The following CNNM4 variants were observed in gnomAD, a reference collection of about 807,000 sequenced individuals.
The protein encoded by CNNM4 is cyclin and CBS domain divalent metal cation transport mediator 4.
A neutral mutation model predicts 53.7 loss-of-function variants in CNNM4; 32 were observed. The observed-to-expected ratio is 0.60, with a 90% CI of 0.45 to 0.80. CNNM4 has a LOEUF of 0.80. CNNM4 is among the 30% of genes least tolerant of loss of function. The pLI is 0.00. For synonymous variants in CNNM4, 410 were observed against 440.0 expected (o/e 0.93, Z 0.85); for missense variants, 784 against 1,022.0 (o/e 0.77, Z 3.17).
intron 5 of CNNM4, among the ~76,000 whole-genome samples, chr2:96,802,397 C>T (rs981424833): frequency 1.3e-5 from 2 of 152,252 alleles, no homozygotes; most frequent in Non-Finnish European, 1.5e-5. Flanking sequence ...ACCCACACAC[C>T]GTGTCAGGGT....
At chr2:96,809,088 C>T (rs530201570) in intron 6 of CNNM4, 142 of 882,534 alleles carry the variant, frequency 1.6e-4, no homozygotes, top group African/African-American at 1.5e-3. Context: ...GCGATTTGCC[C>T]GCCTCAGCCT....
chr2:96,784,461 A>G (rs2079000139), intron 1 of CNNM4, among the ~76,000 whole-genome samples: 1 of 152,106 alleles, frequency 6.6e-6, no homozygotes, highest in African/African-American at 2.4e-5. Context: ...GTGTAATTAG[A>G]TTATTATCTC....
chr2:96,777,414 T>G (rs1204437286), intron 1 of CNNM4, among the ~76,000 whole-genome samples: 1 of 152,172 alleles, frequency 6.6e-6, no homozygotes, highest in East Asian at 1.9e-4. Flanking sequence ...GATGCAATCA[T>G]GGCTCACTAT....
chr2:96,798,849 C>CCAGG (rs946531528), intron 3 of CNNM4, among the ~76,000 whole-genome samples: 11 of 152,168 alleles, frequency 7.2e-5, no homozygotes, highest in African/African-American at 2.7e-4. Flanking sequence ...CTGTTCAAGC[C>CCAGG]CAGGCAGGCA....
intron 1 of CNNM4, among the ~76,000 whole-genome samples, chr2:96,792,875 A>T (rs1472084083): frequency 6.6e-6 from 1 of 151,622 alleles, no homozygotes; most frequent in Non-Finnish European, 1.5e-5. Flanking sequence ...CCCTAAAGGG[A>T]GACAGGAGTG....
Position 96,801,419 on chromosome 2 carries a change from C to A in CNNM4, c.1948+1771C>A, listed in dbSNP as rs566879475. Among the ~76,000 whole-genome samples, 1 of 152,014 alleles carries A rather than the reference C, an allele frequency of 6.6e-6. No individual in the cohort carries two copies. The highest frequency in any genetic ancestry group is 2.4e-5 in the African/African-American group (1 of 41,354). Reference sequence around the variant, plus strand: ...ATACAGATACACATAGCCATAGATACACGCAGAGACACACACAGTGAGAGA... The same window carrying A: ...ATACAGATACACATAGCCATAGATAAACGCAGAGACACACACAGTGAGAGA... On this transcript the variant is annotated intron_variant, in intron 5 of 6. Coordinates refer to ENST00000377075, the MANE Select transcript of CNNM4 (RefSeq NM_020184.4). The surrounding 1 kb of genome is among the most constrained non-coding windows in gnomAD (Gnocchi z 5.6).
intron 5 of CNNM4, among the ~76,000 whole-genome samples, chr2:96,803,317 T>C (rs2079174596): frequency 6.6e-6 from 1 of 152,214 alleles, no homozygotes. Flanking sequence ...TGGGGGTCTT[T>C]ATTATAAACA....
chr2:96,798,410 C>T (rs915945293), intron 3 of CNNM4: 5 of 166,118 alleles, frequency 3.0e-5, no homozygotes, highest in African/African-American at 1.2e-4. Flanking sequence ...TGCTCTTACT[C>T]TCCAGCTCTC....
Position 96,762,417 on chromosome 2 carries a change from G to T in CNNM4, c.1402+16G>T, listed in dbSNP as rs772270872. 20 of 1,610,524 alleles carry T rather than the reference G, an allele frequency of 1.2e-5. No individual in the cohort carries two copies. Among genetic ancestry groups the T allele is most frequent in the Non-Finnish European group, 1.7e-5 (20 of 1,176,780 alleles). ...TTCAAGAAGGGTAAGGCCAGATGTA[G>T]TTCCCCTGGTTCAATTTCCTCTTGA... On this transcript the variant is annotated intron_variant, in intron 1 of 6. Transcript: ENST00000377075.
chr2:96,806,718 C>A (rs762058782), intron 5 of CNNM4, among the ~76,000 whole-genome samples: 16 of 152,132 alleles, frequency 1.1e-4, no homozygotes, highest in Non-Finnish European at 2.1e-4. Context: ...CATGTCTTCA[C>A]AATTAACTTC....
intron 1 of CNNM4, 99 bp from the exon 2 acceptor site, chr2:96,796,901 ATGACCCCATCCT>A: frequency 9.0e-7 from 1 of 1,104,984 alleles, no homozygotes; most frequent in Non-Finnish European, 1.3e-6. Flanking sequence ...AAAAACCACC[ATGACCCCATCCT>A]GGTGACTTAT....
intron 1 of CNNM4, among the ~76,000 whole-genome samples, chr2:96,774,875 C>T (rs538134502): frequency 2.2e-5 from 3 of 138,872 alleles, no homozygotes; most frequent in Non-Finnish European, 4.6e-5. Context: ...GCAGGAGATT[C>T]GCTTGAACCC....
intron 6 of CNNM4, 104 bp from the exon 7 acceptor site, chr2:96,809,216 C>G (rs1316214020): frequency 1.3e-6 from 2 of 1,560,610 alleles, no homozygotes; most frequent in East Asian, 2.4e-5. Context: ...TGGTCATGTT[C>G]TCTCTCAACT....
rs1490922932 is a variant in CNNM4 at position 96,797,029 on chromosome 2, A to G, written c.1420A>G (p.Ile474Val). The change falls in exon 2 of 7, where the codon ATC (isoleucine) becomes GTC (valine). Residue 474 changes from isoleucine to valine, a missense_variant. Ile to Val is a conservative substitution (Grantham distance 29, BLOSUM62 3). Coordinates refer to ENST00000377075, the MANE Select transcript of CNNM4 (RefSeq NM_020184.4). The surrounding 1 kb of genome is among the most constrained non-coding windows in gnomAD (Gnocchi z 6.0). ...TCCCACAGGGAAGTCCCACCTGGCC[A>G]TCGTGCAGAAGGTAAACAACGAGGG... ...EFKKGKSHLA[I>V]VQKVNNEGEG... 8.1e-6 allele frequency: 13 copies of G among 1,613,290 alleles called. No homozygotes were observed. Among genetic ancestry groups the G allele is most frequent in the South Asian group, 2.2e-5 (2 of 91,038 alleles).
intron 1 of CNNM4, among the ~76,000 whole-genome samples, chr2:96,785,074 C>G (rs1281727872): frequency 6.6e-6 from 1 of 152,002 alleles, no homozygotes; most frequent in East Asian, 1.9e-4. Context: ...GATAGGATTT[C>G]ATCATGTTGG....
At position 96,805,454 on chromosome 2, in the gene CNNM4, A is replaced by C. The variant is rs577959832; in HGVS notation, c.1949-3107A>C. ...TTTTTTTTTTTATTATTTTTTTTTA[A>C]ATTTATTTTTTTATTGATAATTCTT... On this transcript the variant is annotated intron_variant, in intron 5 of 6. Transcript: ENST00000377075. 8.1e-3 allele frequency among the ~76,000 whole-genome samples: 790 copies of C among 97,194 alleles called. 14 individuals carry two copies. The highest frequency in any genetic ancestry group is 0.033 in the African/African-American group (729 of 22,140). 63.8% of individuals were successfully genotyped at this position (97,194 alleles called of 152,430 possible). A position where few individuals can be genotyped will look rare whatever the true frequency, so the allele number is the denominator to read the frequency against.
Position 96,767,416 on chromosome 2 carries a change from C to T in CNNM4, c.1402+5015C>T, listed in dbSNP as rs977562319. On this transcript the variant is annotated intron_variant, in intron 1 of 6. Coordinates refer to ENST00000377075, the MANE Select transcript of CNNM4 (RefSeq NM_020184.4). ...TGGGTGGGTTTGTCCACCTTGGAAT[C>T]TCAGAACAAAGCCACCTCCAGCTCC... Among the ~76,000 whole-genome samples the T allele has an allele frequency of 3.3e-5, 5 of 152,254 alleles. 1 individual carries two copies. The highest frequency in any genetic ancestry group is 6.5e-5 in the Admixed American group (1 of 15,284).
chr2:96,780,539 C>A (rs910339714), intron 1 of CNNM4, among the ~76,000 whole-genome samples: 2 of 151,766 alleles, frequency 1.3e-5, no homozygotes, highest in Admixed American at 1.3e-4. Context: ...GGATTACAGG[C>A]GTGAGCCACC....
At chr2:96,806,137 C>G (rs12052502) in intron 5 of CNNM4, among the ~76,000 whole-genome samples, 3 of 143,786 alleles carry the variant, frequency 2.1e-5, no homozygotes, top group Non-Finnish European at 4.5e-5. Flanking sequence ...GGCTGACCCC[C>G]CCACCGCCCT....
Sources: gnomAD v4.1 joint callset for allele counts (sites outside exome capture counted in the v4.1 genomes callset) on GRCh38, gnomAD v4.1.1 for gene constraint, Gnocchi (gnomAD v3.1) non-coding constraint, MANE v1.5 for transcripts, NCBI Gene and HGNC (gene_info 2026-07-23, HGNC 2026-07-21) for gene names.